Variants in ZNF680 observed in about 807,000 individuals in gnomAD.
ZNF680 encodes the protein hypothetical protein FLJ90430.
In ZNF680, 6 loss-of-function variants were observed where a neutral mutation model predicts 12.1. The observed-to-expected ratio is 0.49, with a 90% CI of 0.27 to 0.98. The LOEUF is 0.98. Among genes scored for constraint, ZNF680 ranks in the 50% least tolerant of loss-of-function variants. The pLI is 0.12. For missense variants in ZNF680, 561 were observed against 616.3 expected (o/e 0.91, Z 0.95); for synonymous variants, 170 against 199.3 (o/e 0.85, Z 1.24).
intron 3 of ZNF680, among the ~76,000 whole-genome samples, chr7:64,524,148 T>A (rs1791703233): frequency 3.5e-5 from 2 of 57,346 alleles, no homozygotes; most frequent in South Asian, 7.0e-4. Flanking sequence ...CAAAGAAGAA[T>A]TTTTTTTTTT....
At chr7:64,523,348 T>A (rs1479817260) in intron 3 of ZNF680, among the ~76,000 whole-genome samples, 1 of 152,096 alleles carries the variant, frequency 6.6e-6, no homozygotes, top group Non-Finnish European at 1.5e-5. Context: ...AGAGGTTTTA[T>A]GTAATCCCCA....
chr7:64,512,078 A>G, the ZNF680 span, among the ~76,000 whole-genome samples: 1 of 151,576 alleles, frequency 6.6e-6, no homozygotes, highest in South Asian at 2.1e-4. Context: ...AAAAAGCACT[A>G]TTAAAAATAA....
At chr7:64,524,222 A>G (rs1937246886) in intron 3 of ZNF680, among the ~76,000 whole-genome samples, 1 of 148,900 alleles carries the variant, frequency 6.7e-6, no homozygotes, top group Non-Finnish European at 1.5e-5. Context: ...ATGTCAGCTC[A>G]CTGCAACCTC....
intron 1 of ZNF680, among the ~76,000 whole-genome samples, chr7:64,547,448 T>C (rs964600325): frequency 1.3e-5 from 2 of 152,260 alleles, no homozygotes. Flanking sequence ...CATGTACACA[T>C]GTACTAGCGT....
the ZNF680 span, among the ~76,000 whole-genome samples, chr7:64,502,541 G>C: frequency 1.1e-4 from 16 of 152,262 alleles, 1 homozygote; most frequent in South Asian, 3.3e-3. Context: ...TGAATGAGTT[G>C]CCATGTTAAA....
At chr7:64,545,097 A>G (rs1050528276) in intron 1 of ZNF680, among the ~76,000 whole-genome samples, 4 of 144,786 alleles carry the variant, frequency 2.8e-5, no homozygotes, top group Non-Finnish European at 6.2e-5. Context: ...CATCTCTACT[A>G]AAAAAAAAAT....
chr7:64,508,148 A>AT, the ZNF680 span, among the ~76,000 whole-genome samples: 469 of 95,340 alleles, frequency 4.9e-3, 4 homozygotes, highest in African/African-American at 0.017. Flanking sequence ...TATATACATA[A>AT]TTTTTTTTTT....
chr7:64,529,344 GGTTA>G lies in ZNF680; in HGVS notation c.254-6848_254-6845del, dbSNP rs1281224080. On this transcript the variant is annotated intron_variant, in intron 3 of 3. Coordinates refer to ENST00000309683, the MANE Select transcript of ZNF680 (RefSeq NM_178558.5). ...GTTTTACCTGAAAAAGAATTCAGGAGGTTAGTTATTAGGCTAATAAGAAAGGCAT... is the reference window on the plus strand; with the variant it reads ...GTTTTACCTGAAAAAGAATTCAGGAGGTTATTAGGCTAATAAGAAAGGCAT... 5.3e-5 allele frequency among the ~76,000 whole-genome samples: 8 copies of G among 152,312 alleles called. No homozygotes were observed. In the East Asian group the frequency reaches 1.5e-3, roughly 29 times the overall value.
intron 1 of ZNF680, among the ~76,000 whole-genome samples, chr7:64,546,674 CA>C (rs1786803792): frequency 6.6e-6 from 1 of 152,158 alleles, no homozygotes; most frequent in Admixed American, 6.5e-5. Context: ...ACCTGGAAGG[CA>C]GAGGTTGCAG....
At chr7:64,532,922 T>C (rs1785963594) in intron 3 of ZNF680, among the ~76,000 whole-genome samples, 3 of 152,178 alleles carry the variant, frequency 2.0e-5, no homozygotes, top group Non-Finnish European at 4.4e-5. Context: ...AAAACTTACA[T>C]GATCATCTCA....
rs370630419 is a variant in ZNF680 at position 64,526,524 on chromosome 7, A to G, written c.254-4024T>C. 1.2e-3 allele frequency: 701 copies of G among 598,330 alleles called. 1 individual carries two copies. The highest frequency in any genetic ancestry group is 1.6e-3 in the Non-Finnish European group (594 of 365,062). The allele number at this position is 598,330 out of a possible 1,614,324, so 37.1% of individuals were successfully genotyped here. A position where few individuals can be genotyped will look rare whatever the true frequency, so the allele number is the denominator to read the frequency against. On this transcript the variant is annotated intron_variant, in intron 3 of 3. Transcript: ENST00000309683. ...TGAGCAACACAGTAAGACTCTGCAT[A>G]TAAACAAACAGAAATGCTAAAATGA...
chr7:64,525,552 A>C (rs1486013463), intron 3 of ZNF680: 4 of 181,058 alleles, frequency 2.2e-5, no homozygotes, highest in Admixed American at 6.5e-5. Context: ...GGTAAAATTC[A>C]TAGTTTTTTA....
intron 3 of ZNF680, among the ~76,000 whole-genome samples, chr7:64,522,964 A>T (rs1791625657): frequency 1.3e-5 from 2 of 152,008 alleles, no homozygotes; most frequent in Non-Finnish European, 2.9e-5. Flanking sequence ...CAAAATAACC[A>T]AATTCTGAAA....
the ZNF680 span, among the ~76,000 whole-genome samples, chr7:64,505,390 TTTA>T: frequency 2.0e-5 from 3 of 152,238 alleles, no homozygotes; most frequent in African/African-American, 4.8e-5. Context: ...TATTAATAAA[TTTA>T]TTATGTCTTC....
the ZNF680 span, among the ~76,000 whole-genome samples, chr7:64,503,000 G>A: frequency 6.6e-6 from 1 of 152,040 alleles, no homozygotes; most frequent in South Asian, 2.1e-4. Flanking sequence ...TCAGGTGCCA[G>A]ATTCCAATTC....
At chr7:64,515,826 CTTTA>C (rs1162879437), downstream of ZNF680, among the ~76,000 whole-genome samples, 1 of 91,468 alleles carries the variant, frequency 1.1e-5, no homozygotes, top group Non-Finnish European at 2.6e-5. Context: ...GGGCACTCAC[CTTTA>C]TTTAAACTAT....
At chr7:64,527,652 G>A (rs756567468) in intron 3 of ZNF680, among the ~76,000 whole-genome samples, 14 of 151,752 alleles carry the variant, frequency 9.2e-5, no homozygotes, top group African/African-American at 1.9e-4. Context: ...CCGAGATGGC[G>A]CCATTGCACT....
intron 3 of ZNF680, among the ~76,000 whole-genome samples, chr7:64,539,130 C>CAAAAAA (rs529165573): frequency 3.9e-5 from 3 of 77,704 alleles, no homozygotes; most frequent in Admixed American, 1.6e-4. Flanking sequence ...GACTCCATCT[C>CAAAAAA]AAAAAAAAAA....
the ZNF680 span, among the ~76,000 whole-genome samples, chr7:64,511,407 A>G: frequency 1.3e-5 from 2 of 152,212 alleles, no homozygotes; most frequent in Non-Finnish European, 2.9e-5. Flanking sequence ...AATAGCCCTA[A>G]AAGTTTTGGC....
Sources: allele counts gnomAD v4.1 joint callset (sites outside exome capture counted in the v4.1 genomes callset), GRCh38; gene constraint gnomAD v4.1.1; transcripts MANE v1.5; gene names NCBI Gene and HGNC (gene_info 2026-07-23, HGNC 2026-07-21).